NXPE2: variants seen among roughly 807,000 people sequenced by gnomAD.
NXPE2 encodes NXPE family member 2.
NXPE2 carries 34 observed loss-of-function variants against 34.4 expected under a neutral mutation model. The ratio of observed to expected loss-of-function variants is 0.99; its 90% CI spans 0.75 to 1.31. The LOEUF (loss-of-function observed/expected upper bound fraction) is 1.31, where lower values mean the gene tolerates loss of function less well. Ranked by LOEUF, NXPE2 falls within the 40% of genes most tolerant of loss-of-function variation. The pLI is 0.00. For missense variants in NXPE2, 649 were observed against 672.5 expected, an observed-to-expected ratio of 0.97 and a Z score of 0.39; for synonymous variants, 235 against 231.3, an observed-to-expected ratio of 1.02 and a Z score of -0.15.
chr11:114,531,589 T>C, the NXPE2 span, among the ~76,000 whole-genome samples: 9 of 152,212 alleles, frequency 5.9e-5, no homozygotes, highest in Admixed American at 5.2e-4. Flanking sequence ...TAAAATCCAT[T>C]TGTAATATGG....
the NXPE2 span, among the ~76,000 whole-genome samples, chr11:114,626,202 T>C: frequency 2.0e-5 from 3 of 152,198 alleles, no homozygotes; most frequent in Non-Finnish European, 2.9e-5. Flanking sequence ...CCTGCCTCTG[T>C]AGGCTCCACC....
At chr11:114,568,090 T>C in the NXPE2 span, among the ~76,000 whole-genome samples, 153 of 152,344 alleles carry the variant, frequency 1.0e-3, no homozygotes, top group African/African-American at 3.5e-3. Context: ...GGATTGCCCC[T>C]AGAAAGTGCT....
At chr11:114,685,247 C>T (rs114349539) in intron 2 of NXPE2, among the ~76,000 whole-genome samples, 199 of 152,168 alleles carry the variant, frequency 1.3e-3, no homozygotes, top group African/African-American at 4.4e-3. Flanking sequence ...ATACCACTGA[C>T]GGAATGGCTT....
the NXPE2 span, among the ~76,000 whole-genome samples, chr11:114,565,075 G>A: frequency 2.0e-5 from 3 of 152,176 alleles, no homozygotes; most frequent in Admixed American, 6.5e-5. Flanking sequence ...GAACAGTACA[G>A]CGAATAACAG....
chr11:114,678,390 G>C (rs1950882224), upstream of NXPE2: 5 of 500,856 alleles, frequency 1.0e-5, no homozygotes, highest in African/African-American at 2.0e-5. Context: ...TGTGGTGTGG[G>C]TTGGGCAGGA....
the NXPE2 span, among the ~76,000 whole-genome samples, chr11:114,487,266 A>G: frequency 1.3e-5 from 2 of 152,064 alleles, no homozygotes; most frequent in Non-Finnish European, 2.9e-5. Flanking sequence ...TTGTAAATTG[A>G]ATTACTTCCT....
At chr11:114,516,990 C>T in the NXPE2 span, among the ~76,000 whole-genome samples, 2 of 152,166 alleles carry the variant, frequency 1.3e-5, no homozygotes, top group Non-Finnish European at 2.9e-5. Flanking sequence ...CTGGTATTCT[C>T]TCTATATCAT....
At chr11:114,500,828 C>T in the NXPE2 span, among the ~76,000 whole-genome samples, 1 of 152,074 alleles carries the variant, frequency 6.6e-6, no homozygotes, top group Admixed American at 6.6e-5. Context: ...ATTATTTTTT[C>T]TCCCATTTGG....
At chr11:114,596,057 G>A in the NXPE2 span, among the ~76,000 whole-genome samples, 1 of 152,178 alleles carries the variant, frequency 6.6e-6, no homozygotes, top group Non-Finnish European at 1.5e-5. Flanking sequence ...AAGTTTGAAT[G>A]ATTGAGAGTA....
the NXPE2 span, among the ~76,000 whole-genome samples, chr11:114,669,380 C>T: frequency 1.3e-5 from 2 of 152,042 alleles, no homozygotes; most frequent in South Asian, 4.1e-4. Flanking sequence ...CTGGCAGGTG[C>T]AATCAAGAAG....
the NXPE2 span, among the ~76,000 whole-genome samples, chr11:114,505,857 C>T: frequency 6.6e-6 from 1 of 152,086 alleles, no homozygotes; most frequent in Non-Finnish European, 1.5e-5. Context: ...GACAGAATTA[C>T]ATCCCCATAT....
At chr11:114,803,945 C>G in the NXPE2 span, among the ~76,000 whole-genome samples, 2 of 152,132 alleles carry the variant, frequency 1.3e-5, no homozygotes, top group African/African-American at 4.8e-5. Flanking sequence ...ATCTAATCAC[C>G]CCCCAAAGGT....
At chr11:114,682,493 T>C (rs1260914640) in intron 2 of NXPE2, among the ~76,000 whole-genome samples, 1 of 152,170 alleles carries the variant, frequency 6.6e-6, no homozygotes, top group South Asian at 2.1e-4. Context: ...AAGATGAGGC[T>C]TTAATTGCTG....
chr11:114,669,102 A>G, the NXPE2 span, among the ~76,000 whole-genome samples: 4 of 152,090 alleles, frequency 2.6e-5, no homozygotes, highest in Non-Finnish European at 4.4e-5. Context: ...CAAAAACAAT[A>G]GAAATCAAGA....
chr11:114,747,182 T>A, the NXPE2 span, among the ~76,000 whole-genome samples: 1 of 152,182 alleles, frequency 6.6e-6, no homozygotes. Flanking sequence ...ACCACAAACT[T>A]AGTGGCTCAA....
At chr11:114,796,842 G>T in the NXPE2 span, among the ~76,000 whole-genome samples, 1 of 152,228 alleles carries the variant, frequency 6.6e-6, no homozygotes, top group Non-Finnish European at 1.5e-5. Context: ...CTGGAGGAAG[G>T]CTAAGAGCTG....
chr11:114,532,689 T>C, the NXPE2 span, among the ~76,000 whole-genome samples: 6 of 152,172 alleles, frequency 3.9e-5, no homozygotes, highest in Admixed American at 6.5e-5. Context: ...AGATGACTTT[T>C]AAATTCTCTG....
upstream of NXPE2, among the ~76,000 whole-genome samples, chr11:114,678,156 C>T (rs1295272552): frequency 6.6e-6 from 1 of 152,062 alleles, no homozygotes; most frequent in Non-Finnish European, 1.5e-5. Context: ...GAACCGTGGA[C>T]TCAGGGCTTC....
At chr11:114,692,906 C>T (rs761707501) in intron 2 of NXPE2, among the ~76,000 whole-genome samples, 61 of 152,056 alleles carry the variant, frequency 4.0e-4, no homozygotes, top group Non-Finnish European at 5.6e-4. Flanking sequence ...CTACTTTCTA[C>T]GCTGGCTCTT....
Sources: allele counts gnomAD v4.1 joint callset (sites outside exome capture counted in the v4.1 genomes callset), GRCh38; gene constraint gnomAD v4.1.1; transcripts MANE v1.5; gene names NCBI Gene and HGNC (gene_info 2026-07-23, HGNC 2026-07-21).